Variants in NMRK1 observed in about 807,000 individuals in gnomAD.
The protein encoded by NMRK1 is NRK 1.
A neutral mutation model predicts 29.9 loss-of-function variants in NMRK1; 28 were observed. The observed-to-expected ratio is 0.94, with a 90% CI of 0.69 to 1.28. The LOEUF (loss-of-function observed/expected upper bound fraction) is 1.28, where lower values mean the gene tolerates loss of function less well. Ranked by LOEUF, NMRK1 falls within the 50% of genes most tolerant of loss-of-function variation. NMRK1 has a pLI of 0.00. For synonymous variants in NMRK1, 58 were observed against 73.0 expected, an observed-to-expected ratio of 0.79 and a Z score of 1.05; for missense variants, 218 against 233.1, an observed-to-expected ratio of 0.94 and a Z score of 0.42.
In NMRK1 at chr9:75,066,292, A is replaced by G. The variant is rs77336112; in HGVS notation, c.580+465T>C. On this transcript the variant is annotated intron_variant, in intron 8 of 8. Transcript: ENST00000361092. ...TCACTTGCAAACAGTGCCGTCCAATATGAAAACCTTAAACAAACACTTCAT... is the reference window on the plus strand; with the variant it reads ...TCACTTGCAAACAGTGCCGTCCAATGTGAAAACCTTAAACAAACACTTCAT... 2.7e-3 allele frequency: 1,391 copies of G among 518,328 alleles called. 29 individuals are homozygous for G. In the East Asian group the frequency reaches 0.06, roughly 22 times the overall value. 32.1% of individuals were successfully genotyped at this position (518,328 alleles called of 1,614,324 possible).
At chr9:75,082,913 C>A in intron 2 of NMRK1, 174 bp downstream of exon 2, 1 of 589,656 alleles carries the variant, frequency 1.7e-6, no homozygotes, top group East Asian at 2.8e-5. Flanking sequence ...GAAAACTCTT[C>A]CATCTCTTGT....
At chr9:75,070,735 A>T (rs1374384399) in intron 4 of NMRK1, among the ~76,000 whole-genome samples, 1 of 152,202 alleles carries the variant, frequency 6.6e-6, no homozygotes, top group Non-Finnish European at 1.5e-5. Flanking sequence ...AGTGTTTTTT[A>T]GTGGAAGGTT....
chr9:75,084,407 C>G (rs1305284474), intron 1 of NMRK1, among the ~76,000 whole-genome samples: 2 of 152,230 alleles, frequency 1.3e-5, no homozygotes, highest in Middle Eastern at 3.2e-3. Context: ...CTTGGCTTAT[C>G]TAAATATCCC....
chr9:75,066,858 G>A lies in NMRK1; in HGVS notation c.497-18C>T. 1 of 1,439,048 alleles carries A rather than the reference G, an allele frequency of 6.9e-7. No homozygotes were observed. Among genetic ancestry groups the A allele is most frequent in the Middle Eastern group, 1.8e-4 (1 of 5,624 alleles). 89.1% of individuals were successfully genotyped at this position (1,439,048 alleles called of 1,614,324 possible). A position where few individuals can be genotyped will look rare whatever the true frequency, so the allele number is the denominator to read the frequency against. On this transcript the variant is annotated intron_variant, in intron 7 of 8. Coordinates refer to ENST00000361092, the MANE Select transcript of NMRK1 (RefSeq NM_017881.3). The stretch of plus-strand genomic sequence containing the variant: ...CAGGTACACTACGAAGGGGAAAAGA[G>A]AGCAGTTCAAATGCTAACAGGCTTA...
intron 1 of NMRK1, among the ~76,000 whole-genome samples, chr9:75,084,075 T>TGCCTCCCTAAC (rs1490524739): frequency 6.6e-6 from 1 of 152,254 alleles, no homozygotes; most frequent in Non-Finnish European, 1.5e-5. Context: ...GTTTCATACA[T>TGCCTCCCTAAC]GCCTCCCTAA....
chr9:75,079,220 G>A (rs75610183), intron 2 of NMRK1, among the ~76,000 whole-genome samples: 9,710 of 152,234 alleles, frequency 0.064, 319 homozygotes, highest in East Asian at 0.097. Flanking sequence ...GTAACCTTAC[G>A]ATATACAATT....
intron 1 of NMRK1, among the ~76,000 whole-genome samples, chr9:75,086,216 C>A (rs1824621132): frequency 6.6e-6 from 1 of 151,794 alleles, no homozygotes. Context: ...TCCCATAAAA[C>A]CAAAAACAAA....
chr9:75,079,333 G>A (rs1481833136), intron 2 of NMRK1, among the ~76,000 whole-genome samples: 1 of 152,192 alleles, frequency 6.6e-6, no homozygotes, highest in African/African-American at 2.4e-5. Context: ...TAACAAAAAT[G>A]TCTGTAAACC....
intron 7 of NMRK1, among the ~76,000 whole-genome samples, 176 bp downstream of exon 7, chr9:75,068,820 G>A (rs1229448514): frequency 6.6e-6 from 1 of 152,220 alleles, no homozygotes; most frequent in Admixed American, 6.5e-5. Context: ...CCATCCAGAA[G>A]CTGACAAGAG....
At chr9:75,073,668 A>T (rs961694725) in intron 4 of NMRK1, among the ~76,000 whole-genome samples, 2 of 152,096 alleles carry the variant, frequency 1.3e-5, no homozygotes, top group African/African-American at 4.8e-5. Context: ...GAACCTGGGC[A>T]GCAGAGGTTG....
chr9:75,061,683 A>AG, intron 8 of NMRK1, 116 bp from the exon 9 acceptor site: 1 of 812,536 alleles, frequency 1.2e-6, no homozygotes, highest in Non-Finnish European at 2.0e-6. Context: ...TCTGGAGCCA[A>AG]AAATGCTGGT....
rs187650727 is a variant in NMRK1, at chr9:75,081,400, C to T, written c.29+1687G>A. On this transcript the variant is annotated intron_variant, in intron 2 of 8. Coordinates refer to ENST00000361092, the MANE Select transcript of NMRK1 (RefSeq NM_017881.3). ...TTGAGGTCAGGAGTTCAAGACCAAC[C>T]TGGATAACATAGTGAGACCCTGTTT... is the stretch of plus-strand genomic sequence containing the variant. Among the ~76,000 whole-genome samples, 434 of 151,938 alleles carry T rather than the reference C, an allele frequency of 2.9e-3. 1 individual carries two copies. The highest frequency in any genetic ancestry group is 0.01 in the African/African-American group (425 of 41,510).
At chr9:75,083,783 C>T (rs1192536351) in intron 1 of NMRK1, among the ~76,000 whole-genome samples, 1 of 152,126 alleles carries the variant, frequency 6.6e-6, no homozygotes, top group African/African-American at 2.4e-5. Flanking sequence ...ATATTTGACA[C>T]TATGTGGGCC....
intron 2 of NMRK1, among the ~76,000 whole-genome samples, chr9:75,078,010 A>G (rs1172981182): frequency 6.6e-6 from 1 of 152,230 alleles, no homozygotes; most frequent in Non-Finnish European, 1.5e-5. Flanking sequence ...GATTTCTTTC[A>G]TAGATAGTGC....
At chr9:75,071,506 G>T (rs1226466320) in intron 4 of NMRK1, among the ~76,000 whole-genome samples, 1 of 152,284 alleles carries the variant, frequency 6.6e-6, no homozygotes, top group Admixed American at 6.5e-5. Flanking sequence ...CTGTTGATTG[G>T]TTTTTCTTAG....
At chr9:75,078,856 T>C (rs1218492681) in intron 2 of NMRK1, among the ~76,000 whole-genome samples, 1 of 152,226 alleles carries the variant, frequency 6.6e-6, no homozygotes, top group Non-Finnish European at 1.5e-5. Context: ...TATATTAACA[T>C]AGAAGAGTAT....
At position 75,061,060 on chromosome 9, in the gene NMRK1, T is replaced by A. The variant is rs933103656; in HGVS notation, c.*488A>T. ...TTGTGGTTGTGATCAATATGTTTTT[T>A]ATAATTAAAGACGGAAAAACATCAC... On this transcript the variant is annotated 3_prime_UTR_variant, in exon 9 of 9. Transcript: ENST00000361092. The A allele has an allele frequency of 1.3e-5, 2 of 152,916 alleles. No homozygotes were observed. Among genetic ancestry groups the A allele is most frequent in the Admixed American group, 6.5e-5 (1 of 15,340 alleles). 9.5% of individuals were successfully genotyped at this position (152,916 alleles called of 1,614,324 possible). A position where few individuals can be genotyped will look rare whatever the true frequency, so the allele number is the denominator to read the frequency against.
chr9:75,069,394 A>G (rs1172620554), intron 6 of NMRK1: 1 of 471,452 alleles, frequency 2.1e-6, no homozygotes, highest in Non-Finnish European at 3.7e-6. Flanking sequence ...AACAATGGAG[A>G]GACCACTATG....
intron 2 of NMRK1, among the ~76,000 whole-genome samples, chr9:75,082,373 A>ATTG (rs1465933205): frequency 6.6e-6 from 1 of 152,240 alleles, no homozygotes; most frequent in African/African-American, 2.4e-5. Flanking sequence ...TACTATGGTA[A>ATTG]TGTAATACCA....
Sources: gnomAD v4.1 joint callset for allele counts (sites outside exome capture counted in the v4.1 genomes callset) on GRCh38, gnomAD v4.1.1 for gene constraint, MANE v1.5 for transcripts, NCBI Gene and HGNC (gene_info 2026-07-23, HGNC 2026-07-21) for gene names.